CBFA2T3: variants seen among roughly 807,000 people sequenced by gnomAD.
The protein encoded by CBFA2T3 is transcriptional corepressor CBFA2T3.
A neutral mutation model predicts 58.6 loss-of-function variants in CBFA2T3; 31 were observed. That is an observed-to-expected ratio of 0.53 (90% CI 0.40 to 0.71). CBFA2T3 has a LOEUF of 0.71. CBFA2T3 is among the 30% of genes least tolerant of loss of function. The pLI, the probability that CBFA2T3 is intolerant of heterozygous loss-of-function variation, is 0.00. For synonymous variants in CBFA2T3, 531 were observed against 421.9 expected, an observed-to-expected ratio of 1.26 and a Z score of -3.17; for missense variants, 1,076 against 963.1, an observed-to-expected ratio of 1.12 and a Z score of -1.55.
intron 1 of CBFA2T3, among the ~76,000 whole-genome samples, chr16:88,903,096 C>T (rs1050081786): frequency 5.3e-5 from 8 of 152,190 alleles, no homozygotes; most frequent in African/African-American, 1.4e-4. Context: ...TGCTTCTGCC[C>T]GTTCCCCATT....
chr16:88,916,938 C>T (rs779019053), intron 1 of CBFA2T3, among the ~76,000 whole-genome samples: 1 of 151,424 alleles, frequency 6.6e-6, no homozygotes, highest in East Asian at 1.9e-4. Context: ...CGCAGAAGCA[C>T]GGATTCTTTT....
chr16:88,898,794 G>GGGA (rs1350477416), intron 2 of CBFA2T3, among the ~76,000 whole-genome samples: 1 of 152,166 alleles, frequency 6.6e-6, no homozygotes, highest in African/African-American at 2.4e-5. Flanking sequence ...AGGCTGAGGC[G>GGGA]GGAGGATTGC....
intron 1 of CBFA2T3, among the ~76,000 whole-genome samples, chr16:88,957,246 C>A (rs1471225558): frequency 6.6e-6 from 1 of 152,204 alleles, no homozygotes; most frequent in African/African-American, 2.4e-5. Flanking sequence ...ACCTCACAGT[C>A]TGGACAGCCA....
intron 1 of CBFA2T3, among the ~76,000 whole-genome samples, chr16:88,934,258 C>T (rs1027724825): frequency 8.5e-5 from 13 of 152,064 alleles, no homozygotes; most frequent in Admixed American, 6.5e-4. Flanking sequence ...GAGGCACGGG[C>T]GAGAAGGGCT....
chr16:88,919,790 A>G (rs60098771), intron 1 of CBFA2T3, among the ~76,000 whole-genome samples: 2,658 of 152,294 alleles, frequency 0.017, 88 homozygotes, highest in African/African-American at 0.061. Flanking sequence ...CGCTCCACGT[A>G]ATCCGTGGAC....
intron 1 of CBFA2T3, among the ~76,000 whole-genome samples, chr16:88,942,458 AT>A (rs1597771128): frequency 6.6e-6 from 1 of 152,186 alleles, no homozygotes; most frequent in East Asian, 1.9e-4. Context: ...ATATAAAAAT[AT>A]GGCAACGTGC....
intron 1 of CBFA2T3, among the ~76,000 whole-genome samples, chr16:88,905,569 GCC>G (rs1396434104): frequency 6.6e-6 from 1 of 151,612 alleles, no homozygotes; most frequent in African/African-American, 2.4e-5. Flanking sequence ...CAGAGGAAAT[GCC>G]TCTTTGGGTT....
chr16:88,976,169 CG>C (rs1972856216), intron 1 of CBFA2T3, among the ~76,000 whole-genome samples: 1 of 152,208 alleles, frequency 6.6e-6, no homozygotes, highest in Non-Finnish European at 1.5e-5. Context: ...AATCGTTCCT[CG>C]GACAGGGGCC....
intron 1 of CBFA2T3, among the ~76,000 whole-genome samples, chr16:88,906,678 G>C (rs1157033418): frequency 6.6e-5 from 10 of 152,200 alleles, no homozygotes; most frequent in African/African-American, 2.4e-4. Context: ...CCTATTCTCA[G>C]CACCGTCTAC....
At chr16:88,895,253 C>CT (rs1969838203) in intron 3 of CBFA2T3, among the ~76,000 whole-genome samples, 1 of 152,344 alleles carries the variant, frequency 6.6e-6, no homozygotes, top group East Asian at 1.9e-4. Context: ...CAGGCCCTCT[C>CT]TAAGTGTCCC....
At chr16:88,890,116 C>T (rs1306810578) in intron 5 of CBFA2T3, among the ~76,000 whole-genome samples, 6 of 152,076 alleles carry the variant, frequency 3.9e-5, no homozygotes, top group African/African-American at 7.2e-5. Flanking sequence ...AATCCCTGGA[C>T]GATGCCCCGC....
chr16:88,918,257 G>C (rs1970802453), intron 1 of CBFA2T3, among the ~76,000 whole-genome samples: 1 of 152,232 alleles, frequency 6.6e-6, no homozygotes. Context: ...TTTTGACACT[G>C]AGGCACCAAG....
At chr16:88,902,747 C>T (rs1450218702) in intron 1 of CBFA2T3, among the ~76,000 whole-genome samples, 11 of 152,336 alleles carry the variant, frequency 7.2e-5, no homozygotes, top group East Asian at 1.9e-4. Context: ...ACCTGCTATC[C>T]GTGGCTGAGA....
At chr16:88,973,627 AACATTCTGGACCCAGG>A (rs1972713171) in intron 1 of CBFA2T3, among the ~76,000 whole-genome samples, 1 of 151,876 alleles carries the variant, frequency 6.6e-6, no homozygotes, top group African/African-American at 2.4e-5. Context: ...CCGGACCCAG[AACATTCTGGACCCAGG>A]ACGTTCCAGA....
At position 88,881,306 on chromosome 16, in the gene CBFA2T3, C is replaced by T. The variant is rs769427504; in HGVS notation, c.1387G>A (p.Glu463Lys). The T allele has an allele frequency of 1.1e-4, 178 of 1,589,238 alleles. No individual in the cohort carries two copies. Among genetic ancestry groups the T allele is most frequent in the Non-Finnish European group, 1.4e-4 (161 of 1,169,032 alleles). The part of the protein sequence containing the change: ...ARPRSSSAGP[E>K]GPQLDVPREF... ...CCACACGCACCTAGCTGAGGCCCTT[C>T]GGGACCGGCGGAGCTGCTGCGGGGC... Residue 463 changes from glutamate to lysine, a missense_variant, in exon 9 of 12, where the codon GAA becomes AAA. Coordinates refer to ENST00000268679, the MANE Select transcript of CBFA2T3 (RefSeq NM_005187.6).
At chr16:88,915,730 G>C (rs1970694979) in intron 1 of CBFA2T3, among the ~76,000 whole-genome samples, 1 of 117,974 alleles carries the variant, frequency 8.5e-6, no homozygotes, top group African/African-American at 3.3e-5. Context: ...GGGGAGCGTG[G>C]AAGGGGGAGC....
intron 1 of CBFA2T3, among the ~76,000 whole-genome samples, chr16:88,902,774 G>A (rs765186875): frequency 2.0e-5 from 3 of 152,210 alleles, no homozygotes; most frequent in African/African-American, 4.8e-5. Flanking sequence ...GGGCCTCAGC[G>A]GCTTAGAGCA....
At chr16:88,956,606 G>A (rs1972226147) in intron 1 of CBFA2T3, among the ~76,000 whole-genome samples, 2 of 152,248 alleles carry the variant, frequency 1.3e-5, no homozygotes, top group East Asian at 1.9e-4. Context: ...TACCGTGGCA[G>A]AGGGAGGCGA....
intron 1 of CBFA2T3, among the ~76,000 whole-genome samples, chr16:88,945,636 T>C (rs563386720): frequency 2.0e-5 from 3 of 152,272 alleles, no homozygotes; most frequent in African/African-American, 7.2e-5. Context: ...ACACGCCTGT[T>C]AGAATAACTA....
Sources: gnomAD v4.1 joint callset for allele counts (sites outside exome capture counted in the v4.1 genomes callset) on GRCh38, gnomAD v4.1.1 for gene constraint, MANE v1.5 for transcripts, NCBI Gene and HGNC (gene_info 2026-07-23, HGNC 2026-07-21) for gene names.